BDP1: variants seen among roughly 807,000 people sequenced by gnomAD.
BDP1 encodes the protein BDP1 general transcription factor IIIB subunit.
A neutral mutation model predicts 266.6 loss-of-function variants in BDP1; 169 were observed. That is an observed-to-expected ratio of 0.63 (90% CI 0.56 to 0.72). The LOEUF (loss-of-function observed/expected upper bound fraction) is 0.72. Ranked by LOEUF, BDP1 falls within the 30% of genes least tolerant of loss-of-function variation. The pLI is 0.00. For missense variants in BDP1, 3,015 were observed against 3,053.8 expected, an observed-to-expected ratio of 0.99 and a Z score of 0.30; for synonymous variants, 1,090 against 1,022.4, an observed-to-expected ratio of 1.07 and a Z score of -1.26.
chr5:71,524,621 T>A (rs1001768994), intron 25 of BDP1, among the ~76,000 whole-genome samples: 3 of 146,694 alleles, frequency 2.0e-5, no homozygotes, highest in Non-Finnish European at 4.5e-5. Flanking sequence ...ATTTTTTATT[T>A]TTTATTTATT....
At chr5:71,555,802 C>T (rs1326891826) in intron 35 of BDP1, among the ~76,000 whole-genome samples, 1 of 152,122 alleles carries the variant, frequency 6.6e-6, no homozygotes, top group Admixed American at 6.6e-5. Flanking sequence ...CTCCCAAACC[C>T]ATACAATTTT....
chr5:71,506,728 T>G (rs938046701), intron 16 of BDP1, among the ~76,000 whole-genome samples: 3 of 150,888 alleles, frequency 2.0e-5, no homozygotes, highest in Non-Finnish European at 4.4e-5. Flanking sequence ...TTTGTCATGA[T>G]TGGTGATTTG....
chr5:71,496,879 G>A lies in BDP1; in HGVS notation c.1800-391G>A, dbSNP rs528034943. Among the ~76,000 whole-genome samples the A allele has an allele frequency of 1.7e-3, 255 of 152,228 alleles. 1 individual carries two copies. Among genetic ancestry groups the A allele is most frequent in the Non-Finnish European group, 3.0e-3 (203 of 68,000 alleles). On this transcript the variant is annotated intron_variant, in intron 12 of 38. Coordinates refer to ENST00000358731, the MANE Select transcript of BDP1 (RefSeq NM_018429.3). ...ATTATAGGCGTGAGCCACTGCGCCC[G>A]GCCTTCCCATCATCATTTAATCTTA... is the stretch of plus-strand genomic sequence containing the variant.
At chr5:71,536,632 C>G (rs1479620205) in intron 26 of BDP1, among the ~76,000 whole-genome samples, 1 of 152,092 alleles carries the variant, frequency 6.6e-6, no homozygotes, top group Non-Finnish European at 1.5e-5. Context: ...TCAAGGCCAG[C>G]CTGGGCAACA....
At chr5:71,511,346 G>C in intron 17 of BDP1, 195 bp downstream of exon 17, 1 of 613,288 alleles carries the variant, frequency 1.6e-6, no homozygotes, top group East Asian at 2.9e-5. Flanking sequence ...GATAACTTTA[G>C]GCTGGGCACA....
intron 28 of BDP1, among the ~76,000 whole-genome samples, chr5:71,540,805 G>T (rs1206579640): frequency 6.6e-6 from 1 of 152,134 alleles, no homozygotes; most frequent in African/African-American, 2.4e-5. Context: ...AGGCATGGTG[G>T]TGTACACTTG....
At chr5:71,545,801 G>A (rs1742260527) in intron 32 of BDP1, among the ~76,000 whole-genome samples, 3 of 151,766 alleles carry the variant, frequency 2.0e-5, no homozygotes, top group African/African-American at 2.4e-5. Context: ...TAAAGAACAG[G>A]TGTGGACCGG....
intron 37 of BDP1, 96 bp downstream of exon 37, chr5:71,560,333 T>G (rs1743549361): frequency 7.8e-7 from 1 of 1,279,760 alleles, no homozygotes; most frequent in Admixed American, 2.7e-5. Flanking sequence ...GGATGGTGTT[T>G]AATAAACATA....
At chr5:71,556,294 T>C (rs1355513682) in intron 35 of BDP1, among the ~76,000 whole-genome samples, 1 of 152,178 alleles carries the variant, frequency 6.6e-6, no homozygotes, top group Non-Finnish European at 1.5e-5. Context: ...TTATAGTGGC[T>C]AATATAACTA....
At chr5:71,549,240 C>T (rs1262631478) in intron 33 of BDP1, among the ~76,000 whole-genome samples, 180 bp from the exon 34 acceptor site, 1 of 152,014 alleles carries the variant, frequency 6.6e-6, no homozygotes, top group African/African-American at 2.4e-5. Flanking sequence ...TCTGTCTCCC[C>T]CCCGCAAAAA....
Position 71,483,833 on chromosome 5 carries a change from T to C in BDP1, c.1015-9T>C. 1 of 1,604,350 alleles carries C rather than the reference T, an allele frequency of 6.2e-7. No individual in the cohort carries two copies. The highest frequency in any genetic ancestry group is 8.5e-7 in the Non-Finnish European group (1 of 1,173,820). On this transcript the variant is annotated splice_polypyrimidine_tract_variant and intron_variant, in intron 7 of 38. Coordinates refer to ENST00000358731, the MANE Select transcript of BDP1 (RefSeq NM_018429.3). ...AGAAAATTACCATAGGGTTTTTTGT[T>C]GTTAACAGAATAAATTTAAACGGGA...
At chr5:71,530,622 C>T (rs1171671466) in intron 25 of BDP1, among the ~76,000 whole-genome samples, 8 of 151,986 alleles carry the variant, frequency 5.3e-5, no homozygotes, top group African/African-American at 4.8e-5. Flanking sequence ...TAGGCTCAAG[C>T]GACCCTCACA....
chr5:71,490,725 A>G (rs1763534152), intron 10 of BDP1, among the ~76,000 whole-genome samples: 1 of 152,226 alleles, frequency 6.6e-6, no homozygotes, highest in African/African-American at 2.4e-5. Context: ...CCTACTTGAC[A>G]TATAAAATAA....
chr5:71,525,740 C>G (rs1382558960), intron 25 of BDP1, among the ~76,000 whole-genome samples: 1 of 150,970 alleles, frequency 6.6e-6, no homozygotes, highest in African/African-American at 2.4e-5. Context: ...GGGGGCTGAC[C>G]CCCACCTCCC....
intron 30 of BDP1, 149 bp from the exon 31 acceptor site, chr5:71,544,208 G>T: frequency 1.7e-6 from 1 of 597,328 alleles, no homozygotes; most frequent in Non-Finnish European, 2.8e-6. Flanking sequence ...AGGACTTTCT[G>T]CCATGTGTAT....
chr5:71,549,465 C>A lies in BDP1; in HGVS notation c.6854C>A (p.Ala2285Asp). ...CCTCAAGATGGAGAAGATGAACAAG[C>A]CTTTATTTTAACTCTGGTGGAAATC... Reference protein sequence around the residue: ...NVPQDGEDEQAFILTLVEIPA... With the variant: ...NVPQDGEDEQDFILTLVEIPA... The change falls in exon 34 of 39, where the codon GCC becomes GAC. Residue 2285 changes from alanine to aspartate, a missense_variant. By Grantham distance (126) the Ala-to-Asp change is moderately radical. Coordinates refer to ENST00000358731, the MANE Select transcript of BDP1 (RefSeq NM_018429.3). 1 of 1,613,798 alleles carries A rather than the reference C, an allele frequency of 6.2e-7. No individual in the cohort carries two copies. The highest frequency in any genetic ancestry group is 8.5e-7 in the Non-Finnish European group (1 of 1,179,906).
At chr5:71,577,162 A>G in the BDP1 span, among the ~76,000 whole-genome samples, 14 of 152,182 alleles carry the variant, frequency 9.2e-5, no homozygotes, top group Non-Finnish European at 1.3e-4. Context: ...TCCCTGGGCT[A>G]TGGATTCCTG....
chr5:71,511,061 A>G lies in BDP1; in HGVS notation c.3969A>G (p.Leu1323=). ...KTDISPRENE[L]EETSTSRQTD... ...ACATTTCTCCAAGGGAAAACGAGCTAGAGGAGACCAGTACCTCAAGACAAA... is the reference window on the plus strand; with the variant it reads ...ACATTTCTCCAAGGGAAAACGAGCTGGAGGAGACCAGTACCTCAAGACAAA... Residue 1323 remains leucine (L), a synonymous_variant, in exon 17 of 39, where the codon CTA becomes CTG. Coordinates refer to ENST00000358731, the MANE Select transcript of BDP1 (RefSeq NM_018429.3). 6.2e-7 allele frequency: 1 copy of G among 1,614,218 alleles called. No individual in the cohort carries two copies. The highest frequency in any genetic ancestry group is 8.5e-7 in the Non-Finnish European group (1 of 1,180,034).
intron 7 of BDP1, chr5:71,476,356 A>G (rs1220135191): frequency 6.6e-6 from 1 of 152,262 alleles, no homozygotes; most frequent in Non-Finnish European, 1.5e-5. Context: ...TAAGGGATAC[A>G]GATGAAGAGA....
Sources: allele counts gnomAD v4.1 joint callset (sites outside exome capture counted in the v4.1 genomes callset), GRCh38; gene constraint gnomAD v4.1.1; transcripts MANE v1.5; gene names NCBI Gene and HGNC (gene_info 2026-07-23, HGNC 2026-07-21).